TSNARE1: variants seen among roughly 807,000 people sequenced by gnomAD.
The protein encoded by TSNARE1 is t-SNARE domain containing 1, also known as t-SNARE domain-containing protein 1.
Under a neutral mutation model 62.0 loss-of-function variants are expected in TSNARE1, and 49 were observed. That is an observed-to-expected ratio of 0.79 (90% CI 0.63 to 1.00). TSNARE1 has a LOEUF of 1.00. Among genes scored for constraint, TSNARE1 ranks in the 50% least tolerant of loss-of-function variants. The pLI is 0.00. For missense variants in TSNARE1, 755 were observed against 700.1 expected (o/e 1.08, Z -0.88); for synonymous variants, 328 against 294.4 (o/e 1.11, Z -1.17).
chr8:142,352,681 C>T (rs1225771287), intron 2 of TSNARE1, among the ~76,000 whole-genome samples: 3 of 152,192 alleles, frequency 2.0e-5, no homozygotes, highest in Admixed American at 1.3e-4. Context: ...CACGGAGCAA[C>T]GCAAATCGTC....
Position 142,282,400 on chromosome 8 carries a change from T to G in TSNARE1, c.1363+2013A>C, listed in dbSNP as rs1223254161. On this transcript the variant is annotated intron_variant, in intron 11 of 13. Coordinates refer to ENST00000524325, the MANE Select transcript of TSNARE1 (RefSeq NM_145003.5). The stretch of plus-strand genomic sequence containing the variant: ...AGCAGGGACCAGCGTCTGTCAATGA[T>G]CAGGGTGGGGCCAGTGTCTATTAAT... Among the ~76,000 whole-genome samples, 700 of 150,088 alleles carry G rather than the reference T, an allele frequency of 4.7e-3. 3 individuals are homozygous for G. Among genetic ancestry groups the G allele is most frequent in the Non-Finnish European group, 6.9e-3 (459 of 66,684 alleles).
At chr8:142,301,182 C>T (rs576011267) in intron 9 of TSNARE1, among the ~76,000 whole-genome samples, 5 of 146,032 alleles carry the variant, frequency 3.4e-5, no homozygotes, top group Admixed American at 6.8e-5. Context: ...CCCATGCCAG[C>T]GGGCCTTCCT....
intron 1 of TSNARE1, among the ~76,000 whole-genome samples, chr8:142,399,697 C>T: frequency 6.6e-6 from 1 of 152,168 alleles, no homozygotes; most frequent in East Asian, 1.9e-4. Flanking sequence ...AATGTTTAGA[C>T]AGGGCTGAGC....
At chr8:142,283,505 G>A (rs1251578316) in intron 11 of TSNARE1, among the ~76,000 whole-genome samples, 1 of 145,608 alleles carries the variant, frequency 6.9e-6, no homozygotes, top group African/African-American at 2.6e-5. Context: ...GAGCGGAGGC[G>A]GGACCAGTGT....
intron 10 of TSNARE1, among the ~76,000 whole-genome samples, chr8:142,297,352 A>G (rs1187286318): frequency 6.6e-6 from 1 of 152,210 alleles, no homozygotes; most frequent in East Asian, 1.9e-4. Context: ...GAATCGCGCA[A>G]CACTGGCCCA....
chr8:142,283,493 ATGAG>A (rs1822081940), intron 11 of TSNARE1, among the ~76,000 whole-genome samples: 1 of 145,826 alleles, frequency 6.9e-6, no homozygotes, highest in Non-Finnish European at 1.5e-5. Context: ...GTGTCTGTCA[ATGAG>A]CGGAGGCGGG....
intron 9 of TSNARE1, among the ~76,000 whole-genome samples, chr8:142,312,059 T>C (rs1014261179): frequency 6.6e-6 from 1 of 152,210 alleles, no homozygotes; most frequent in Non-Finnish European, 1.5e-5. Flanking sequence ...TTTTCAGATT[T>C]TGGATTTTAT....
intron 1 of TSNARE1, among the ~76,000 whole-genome samples, chr8:142,359,176 C>T (rs930433136): frequency 6.6e-6 from 1 of 152,116 alleles, no homozygotes; most frequent in Non-Finnish European, 1.5e-5. Flanking sequence ...CCCAGCTGTC[C>T]CACCGGGCCA....
intron 11 of TSNARE1, among the ~76,000 whole-genome samples, chr8:142,281,425 G>C (rs991443445): frequency 6.6e-6 from 1 of 152,014 alleles, no homozygotes; most frequent in Non-Finnish European, 1.5e-5. Context: ...CCCTGTGGGA[G>C]GGGGGCAAGG....
At chr8:142,302,712 T>C (rs940466422) in intron 9 of TSNARE1, among the ~76,000 whole-genome samples, 1 of 152,136 alleles carries the variant, frequency 6.6e-6, no homozygotes, top group Non-Finnish European at 1.5e-5. Flanking sequence ...GGTCCTAGCC[T>C]CTGAGGGCAC....
At chr8:142,303,231 G>C (rs1395735719) in intron 9 of TSNARE1, among the ~76,000 whole-genome samples, 3 of 152,204 alleles carry the variant, frequency 2.0e-5, no homozygotes, top group African/African-American at 7.2e-5. Context: ...GGCACGTGCA[G>C]AGACCCCAGG....
chr8:142,345,727 C>A lies in TSNARE1; in HGVS notation c.238+16G>T, dbSNP rs1244690708. The A allele has an allele frequency of 1.3e-6, 2 of 1,573,686 alleles. No homozygotes were observed. The highest frequency in any genetic ancestry group is 1.7e-4 in the Middle Eastern group (1 of 5,928). ...CCTTCCCAGGACCCCTGAGACCCAGCGTCTGAGTGAAGTACCTCGCTTCCT... is the reference window on the plus strand; with the variant it reads ...CCTTCCCAGGACCCCTGAGACCCAGAGTCTGAGTGAAGTACCTCGCTTCCT... On this transcript the variant is annotated intron_variant, in intron 3 of 13. Transcript: ENST00000524325.
chr8:142,272,782 C>T (rs989337658), intron 12 of TSNARE1: 3 of 972,084 alleles, frequency 3.1e-6, no homozygotes, highest in African/African-American at 3.6e-5. Context: ...ACTTCACAGA[C>T]ACCTGGTCCC....
chr8:142,328,598 G>T (rs538152434), intron 6 of TSNARE1, among the ~76,000 whole-genome samples: 1 of 152,210 alleles, frequency 6.6e-6, no homozygotes, highest in Non-Finnish European at 1.5e-5. Flanking sequence ...TTATTTGAGC[G>T]CTAGTTCTTC....
chr8:142,346,017 G>A (rs1833326700), intron 2 of TSNARE1, 125 bp from the exon 3 acceptor site: 14 of 1,141,726 alleles, frequency 1.2e-5, no homozygotes, highest in Non-Finnish European at 1.7e-5. Context: ...TCCTCCTCCA[G>A]GAAGCCCTCC....
intron 1 of TSNARE1, among the ~76,000 whole-genome samples, chr8:142,367,461 T>C (rs931965918): frequency 1.5e-5 from 2 of 132,442 alleles, no homozygotes; most frequent in African/African-American, 5.9e-5. Context: ...TCCACTGTCA[T>C]GAGAGGTCCG....
intron 10 of TSNARE1, chr8:142,300,263 G>A: frequency 2.0e-6 from 1 of 509,982 alleles, no homozygotes. Context: ...GGGAAACCCA[G>A]GAAGGAGGGG....
rs147752218 is a variant in TSNARE1 at position 142,331,901 on chromosome 8, C to T, written c.746-70G>A. On this transcript the variant is annotated intron_variant, in intron 4 of 13. Coordinates refer to ENST00000524325, the MANE Select transcript of TSNARE1 (RefSeq NM_145003.5). ...AGCCTGCAGGCCCAGCTCTGCTAAC[C>T]GCTCTGGGCAGCCCCCAGGGGCAGG... The T allele has an allele frequency of 4.5e-4, 660 of 1,453,130 alleles. 2 individuals are homozygous for T. The African/African-American group carries it at 8.3e-3, about 18-fold the overall frequency. 90.0% of individuals were successfully genotyped at this position (1,453,130 alleles called of 1,614,324 possible). A position where few individuals can be genotyped will look rare whatever the true frequency, so the allele number is the denominator to read the frequency against.
At chr8:142,269,527 C>A (rs1215145274) in intron 12 of TSNARE1, 1 of 984,958 alleles carries the variant, frequency 1.0e-6, no homozygotes, top group African/African-American at 1.7e-5. Flanking sequence ...CAAGGTTTTG[C>A]TATGCTGTCC....
Sources: gnomAD v4.1 joint callset for allele counts (sites outside exome capture counted in the v4.1 genomes callset) on GRCh38, gnomAD v4.1.1 for gene constraint, MANE v1.5 for transcripts, NCBI Gene and HGNC (gene_info 2026-07-23, HGNC 2026-07-21) for gene names.